The following DNAH5 variants were observed in gnomAD, a reference collection of about 807,000 sequenced individuals.
DNAH5 encodes axonemal beta dynein heavy chain 5.
Under a neutral mutation model 518.2 loss-of-function variants are expected in DNAH5, and 372 were observed. That is an observed-to-expected ratio of 0.72 (90% CI 0.66 to 0.78). The LOEUF (loss-of-function observed/expected upper bound fraction) is 0.78. Among genes scored for constraint, DNAH5 ranks in the 30% least tolerant of loss-of-function variants. DNAH5 has a pLI of 0.00. For synonymous variants in DNAH5, 2,039 were observed against 2,025.9 expected, an observed-to-expected ratio of 1.01 and a Z score of -0.17; for missense variants, 5,523 against 5,687.0, an observed-to-expected ratio of 0.97 and a Z score of 0.93.
intron 15 of DNAH5, chr5:13,898,743 G>T (rs1404953572): frequency 2.5e-6 from 1 of 396,838 alleles, no homozygotes; most frequent in Non-Finnish European, 4.4e-6. Flanking sequence ...CAGTGCAAGT[G>T]CATGGACTTA....
intron 70 of DNAH5, among the ~76,000 whole-genome samples, chr5:13,725,704 G>A (rs138986624): frequency 7.9e-5 from 12 of 152,208 alleles, no homozygotes; most frequent in Middle Eastern, 3.4e-3. Context: ...CACCTAGGCT[G>A]GGTGCAGTGG....
In DNAH5 at chr5:13,864,485, G is replaced by C. The variant is rs1768934157; in HGVS notation, c.4508C>G (p.Thr1503Ser). 1.2e-6 allele frequency: 2 copies of C among 1,614,114 alleles called. No homozygotes were observed. The change falls in exon 28 of 79, where the codon ACC becomes AGC. Residue 1503 changes from threonine to serine, a missense_variant. By Grantham distance (58) the Thr-to-Ser change is moderately conservative. Transcript: ENST00000265104. The part of the protein sequence containing the change: ...ERHWERITTL[T>S]GHSLDVGNES... ...ATTCCCCACATCCAGACTGTGCCCGGTGAGGGTGGTTATCCTTTCCCAGTG... is the reference window on the plus strand; with the variant it reads ...ATTCCCCACATCCAGACTGTGCCCGCTGAGGGTGGTTATCCTTTCCCAGTG...
chr5:13,799,178 C>T (rs1758331039), intron 47 of DNAH5, among the ~76,000 whole-genome samples: 1 of 150,572 alleles, frequency 6.6e-6, no homozygotes, highest in African/African-American at 2.5e-5. Context: ...TCTCCCATGA[C>T]ATTGTACAAT....
At chr5:13,696,203 G>A (rs558807498) in intron 78 of DNAH5, among the ~76,000 whole-genome samples, 14 of 152,272 alleles carry the variant, frequency 9.2e-5, no homozygotes, top group African/African-American at 2.9e-4. Flanking sequence ...CTCGTCCCTC[G>A]CAAATGTTCC....
chr5:13,901,310 C>G lies in DNAH5; in HGVS notation c.1994G>C (p.Arg665Thr). Reference protein sequence around the residue: ...EAKPIIRSYNRMAKVLLEFEV... With the variant: ...EAKPIIRSYNTMAKVLLEFEV... ...AAACTCCAGGAGGACCTTGGCCATC[C>G]TGTTGTAACTGCGAATTATAGGTTT... The change falls in exon 14 of 79, where the codon AGG becomes ACG. Residue 665 changes from arginine (R) to threonine (T), a missense_variant. Arg to Thr is a moderately conservative substitution (Grantham distance 71). Coordinates refer to ENST00000265104, the MANE Select transcript of DNAH5 (RefSeq NM_001369.3). 1 of 1,614,178 alleles carries G rather than the reference C, an allele frequency of 6.2e-7. No homozygotes were observed. Among genetic ancestry groups the G allele is most frequent in the South Asian group, 1.1e-5 (1 of 91,084 alleles).
At chr5:13,835,260 C>G (rs1311587460) in intron 35 of DNAH5, among the ~76,000 whole-genome samples, 2 of 145,840 alleles carry the variant, frequency 1.4e-5, no homozygotes, top group Admixed American at 6.9e-5. Context: ...GCCTGGGCGA[C>G]AGAGTGAGAC....
In DNAH5 at chr5:13,751,178, G is replaced by A; in HGVS notation, c.11111C>T (p.Thr3704Ile). 6.2e-7 allele frequency: 1 copy of A among 1,613,988 alleles called. No individual in the cohort carries two copies. The change falls in exon 65 of 79, where the codon ACC (threonine) becomes ATC (isoleucine). Residue 3704 changes from threonine (T) to isoleucine (I), a missense_variant. By Grantham distance (89) the Thr-to-Ile change is moderately conservative. Around this residue, in one of 3 missense-constraint regions of DNAH5, gnomAD observed 5,121 missense variants for 5,223.3 expected, o/e 0.98. Coordinates refer to ENST00000265104, the MANE Select transcript of DNAH5 (RefSeq NM_001369.3). ...ITTKLPNPAY[T>I]PEISARTSII... is the part of the protein sequence containing the mutation. ...GGAGGTACGGGCACTTATCTCAGGG[G>A]TGTAGGCTGGGTTAGGCAATTTGGT...
chr5:13,891,152 G>T (rs777347534), intron 16 of DNAH5, 31 bp from the exon 17 acceptor site: 2 of 1,612,184 alleles, frequency 1.2e-6, no homozygotes, highest in South Asian at 2.2e-5. Context: ...AAATAAAAGA[G>T]ATTAGGTAAA....
At chr5:13,983,117 C>A (rs1439812547) in intron 1 of DNAH5, among the ~76,000 whole-genome samples, 2 of 152,230 alleles carry the variant, frequency 1.3e-5, no homozygotes, top group Non-Finnish European at 2.9e-5. Flanking sequence ...ATTTTTCTGA[C>A]TCCTAGTTGA....
At chr5:13,914,373 G>T in intron 10 of DNAH5, 147 bp downstream of exon 10, 2 of 996,628 alleles carry the variant, frequency 2.0e-6, no homozygotes, top group South Asian at 1.6e-5. Flanking sequence ...TCCTGGGAAG[G>T]TATATTAACA....
rs190749755 is a variant in DNAH5, at chr5:13,840,973, G to T, written c.5642C>A (p.Thr1881Lys). ...CAGAGTCTCGTATTTCACTCGTTCC[G>T]TGGAACTCAGATCCCTCGTGGTGAC... ...IDVTTRDLSS[T>K]ERVKYETLIT... The change falls in exon 34 of 79, where the codon ACG (threonine) becomes AAG (lysine). Residue 1881 changes from threonine (T) to lysine (K), a missense_variant. Physicochemically the swap from Thr to Lys is moderately conservative, Grantham distance 78. This residue lies in a region of DNAH5 where 5,121 missense variants were observed against 5,223.3 expected (regional missense o/e 0.98). Coordinates refer to ENST00000265104, the MANE Select transcript of DNAH5 (RefSeq NM_001369.3). 1.2e-6 allele frequency: 2 copies of T among 1,613,984 alleles called. No homozygotes were observed. The highest frequency in any genetic ancestry group is 1.7e-6 in the Non-Finnish European group (2 of 1,179,994).
intron 17 of DNAH5, among the ~76,000 whole-genome samples, chr5:13,888,923 A>G (rs1220280759): frequency 1.3e-5 from 2 of 152,220 alleles, no homozygotes; most frequent in Non-Finnish European, 2.9e-5. Context: ...AGAAACTGGT[A>G]AGTAAATTAC....
chr5:13,705,921 A>C (rs2126441021), intron 76 of DNAH5, among the ~76,000 whole-genome samples: 1 of 152,350 alleles, frequency 6.6e-6, no homozygotes, highest in East Asian at 1.9e-4. Context: ...GAAGCAAAGA[A>C]GGATGCTCTT....
chr5:13,735,768 T>C, intron 67 of DNAH5, 50 bp downstream of exon 67: 1 of 1,341,148 alleles, frequency 7.5e-7, no homozygotes, highest in African/African-American at 1.4e-5. Context: ...ATGTCATCAT[T>C]TTAGTGCACA....
At chr5:13,787,487 C>G (rs1382305293) in intron 51 of DNAH5, among the ~76,000 whole-genome samples, 1 of 152,126 alleles carries the variant, frequency 6.6e-6, no homozygotes, top group Non-Finnish European at 1.5e-5. Context: ...CTGCAAAGCT[C>G]TCACTAATCA....
In DNAH5 at chr5:13,910,075, AC is replaced by A. The variant is rs1380614732; in HGVS notation, c.1644+1310del. Among the ~76,000 whole-genome samples, 5 of 152,322 alleles carry A rather than the reference AC, an allele frequency of 3.3e-5. No homozygotes were observed. In the East Asian group the frequency reaches 7.7e-4, roughly 23 times the overall value. Reference sequence around the variant, plus strand: ...ACTCATCAATTTCCAACAAAAAGAGACCAACATTCACTGTCCTTATGTCTGA... The same window carrying A: ...ACTCATCAATTTCCAACAAAAAGAGACAACATTCACTGTCCTTATGTCTGA... On this transcript the variant is annotated intron_variant, in intron 12 of 78. Coordinates refer to ENST00000265104, the MANE Select transcript of DNAH5 (RefSeq NM_001369.3).
intron 47 of DNAH5, among the ~76,000 whole-genome samples, chr5:13,806,618 T>C (rs530084171): frequency 6.6e-6 from 1 of 152,340 alleles, no homozygotes; most frequent in Non-Finnish European, 1.5e-5. Context: ...ATGACATGTA[T>C]CTTCTGGTGA....
At chr5:14,011,324 G>A (rs569543409) in intron 1 of DNAH5, among the ~76,000 whole-genome samples, 1 of 152,154 alleles carries the variant, frequency 6.6e-6, no homozygotes, top group Non-Finnish European at 1.5e-5. Flanking sequence ...GACAACCAAT[G>A]GCCTTTTCAG....
chr5:13,862,527 A>T, intron 29 of DNAH5, 21 bp downstream of exon 29: 1 of 1,612,052 alleles, frequency 6.2e-7, no homozygotes. Context: ...ATCTAAGGGA[A>T]AAGATAGATG....
Sources: gnomAD v4.1 joint callset for allele counts (sites outside exome capture counted in the v4.1 genomes callset) on GRCh38, gnomAD v4.1.1 for gene constraint, gnomAD v4.1.1 regional missense constraint, MANE v1.5 for transcripts, NCBI Gene and HGNC (gene_info 2026-07-23, HGNC 2026-07-21) for gene names.